Variants in NLRP7 observed in about 807,000 individuals in gnomAD.
The protein encoded by NLRP7 is NACHT, LRR and PYD domains-containing protein 7.
In NLRP7, 72 loss-of-function variants were observed where a neutral mutation model predicts 85.5. The ratio of observed to expected loss-of-function variants is 0.84; its 90% confidence interval spans 0.70 to 1.02. NLRP7 has a LOEUF of 1.02. NLRP7 is among the 50% of genes least tolerant of loss of function. The pLI is 0.00. For synonymous variants in NLRP7, 550 were observed against 505.2 expected (o/e 1.09, Z -1.19); for missense variants, 1,243 against 1,219.5 (o/e 1.02, Z -0.29).
chr19:54,924,753 T>G (rs1049963581), intron 9 of NLRP7, among the ~76,000 whole-genome samples: 1 of 151,980 alleles, frequency 6.6e-6, no homozygotes, highest in Non-Finnish European at 1.5e-5. Context: ...CTGGCCAACA[T>G]AGTGAAACCC....
chr19:54,949,989 C>A (rs910538037), upstream of NLRP7, among the ~76,000 whole-genome samples: 6 of 151,964 alleles, frequency 3.9e-5, no homozygotes, highest in Admixed American at 2.6e-4. Flanking sequence ...GTAGACCCAG[C>A]TACTCAGGAG....
exon 4 of NLRP7, chr19:54,938,996 G>T: frequency 6.2e-7 from 1 of 1,614,154 alleles, no homozygotes; most frequent in Non-Finnish European, 8.5e-7. Flanking sequence ...CAGGCTGAAG[G>T]AACAATGCAT....
chr19:54,926,542 G>A (rs2068446715), intron 9 of NLRP7, among the ~76,000 whole-genome samples: 1 of 152,106 alleles, frequency 6.6e-6, no homozygotes, highest in Non-Finnish European at 1.5e-5. Context: ...CACTTTGAGA[G>A]GCTGAGGCAG....
rs59058059 is a variant in NLRP7 at position 54,937,900 on chromosome 19, C to CAAAAA, written c.2129+139_2129+143dup. The CAAAAA allele has an allele frequency of 8.8e-4, 455 of 515,832 alleles. 1 individual carries two copies. Among genetic ancestry groups the CAAAAA allele is most frequent in the East Asian group, 1.2e-3 (39 of 32,296 alleles). The allele number at this position is 515,832 out of a possible 1,614,324, so 32.0% of individuals were successfully genotyped here. ...CAACAAGAGTAAATCTCCGTCTCAC[C>CAAAAA]AAAAAAAAAAAAAAAAAAAAAGACA... On this transcript the variant is annotated intron_variant, in intron 5 of 9. Coordinates refer to ENST00000340844, the Ensembl canonical transcript of NLRP7.
At chr19:54,928,534 C>T (rs1460824276) in intron 9 of NLRP7, among the ~76,000 whole-genome samples, 1 of 152,100 alleles carries the variant, frequency 6.6e-6, no homozygotes, top group Non-Finnish European at 1.5e-5. Context: ...CTATTGAAGA[C>T]AATGGATGAT....
At chr19:54,953,522 C>A (rs1001575677) in intron 1 of NLRP7, among the ~76,000 whole-genome samples, 2 of 151,332 alleles carry the variant, frequency 1.3e-5, no homozygotes, top group African/African-American at 4.9e-5. Flanking sequence ...GGTGTGGCGC[C>A]GGGCTGTCTG....
At chr19:54,938,942 T>C (rs1165664097) in exon 4 of NLRP7, 8 of 1,614,044 alleles carry the variant, frequency 5.0e-6, no homozygotes, top group Non-Finnish European at 6.8e-6. Context: ...GAACACCCCC[T>C]TTGCTACCTG....
At chr19:54,939,661 G>A in exon 4 of NLRP7, 1 of 1,612,610 alleles carries the variant, frequency 6.2e-7, no homozygotes, top group South Asian at 1.1e-5. Context: ...GGGTGAGGCA[G>A]GTGGGGACCG....
At chr19:54,938,367 T>A in intron 4 of NLRP7, 126 bp from the exon 5 acceptor site, 1 of 752,500 alleles carries the variant, frequency 1.3e-6, no homozygotes, top group South Asian at 1.4e-5. Flanking sequence ...GTGTCTATAG[T>A]AAACAATATT....
Position 54,941,524 on chromosome 19 carries a change from G to C in NLRP7, c.188C>G (p.Ser63Ter), listed in dbSNP as rs1182576495. The change falls in exon 2 of 10, where the codon TCA becomes TGA. Residue 63 changes from serine (S) to a stop codon, truncating the protein, a stop_gained. Coordinates refer to ENST00000340844, the Ensembl canonical transcript of NLRP7. LOFTEE classifies it high-confidence loss of function. ...AGTCGCATTCCTTATCCAATTTTCT[G>C]AGGAGGTGTTGACCAGAATTTCTGC... The C allele has an allele frequency of 6.2e-7, 1 of 1,613,790 alleles. No individual in the cohort carries two copies. Among genetic ancestry groups the C allele is most frequent in the Non-Finnish European group, 8.5e-7 (1 of 1,179,904 alleles).
At chr19:54,930,115 CAAAAAAAAAAAAAAA>C (rs34446838) in intron 9 of NLRP7, among the ~76,000 whole-genome samples, 3 of 100,564 alleles carry the variant, frequency 3.0e-5, no homozygotes, top group Non-Finnish European at 4.0e-5. Flanking sequence ...GGCTCCGTCT[CAAAAAAAAAAAAAAA>C]AAAAGAAAAC....
chr19:54,941,434 C>G lies in NLRP7; in HGVS notation c.277+1G>C. 6.7e-7 allele frequency: 1 copy of G among 1,498,068 alleles called. No individual in the cohort carries two copies. Among genetic ancestry groups the G allele is most frequent in the Non-Finnish European group, 9.3e-7 (1 of 1,075,286 alleles). 92.8% of individuals were successfully genotyped at this position (1,498,068 alleles called of 1,614,324 possible). ...ACCAGGACACCCCAGGTTCTACTTA[C>G]CCATCATCTCAGCCTTTGCCATCTT... is the stretch of plus-strand genomic sequence containing the variant. On this transcript the variant is annotated splice_donor_variant, in intron 2 of 9. Transcript: ENST00000340844. LOFTEE classifies it high-confidence loss of function.
intron 9 of NLRP7, among the ~76,000 whole-genome samples, chr19:54,928,469 C>T (rs947134280): frequency 6.6e-6 from 1 of 152,022 alleles, no homozygotes; most frequent in East Asian, 1.9e-4. Flanking sequence ...GGGGAGTGAG[C>T]AGAAGAAATC....
intron 9 of NLRP7, among the ~76,000 whole-genome samples, chr19:54,924,077 C>G (rs374893752): frequency 1.2e-4 from 19 of 152,284 alleles, no homozygotes; most frequent in East Asian, 5.8e-4. Flanking sequence ...AAGCAATTCT[C>G]ATGCCTCAGG....
intron 6 of NLRP7, among the ~76,000 whole-genome samples, chr19:54,935,927 T>G (rs1489624329): frequency 6.6e-6 from 1 of 152,094 alleles, no homozygotes; most frequent in African/African-American, 2.4e-5. Context: ...AAAAACTGTC[T>G]TGTGCAAAAC....
chr19:54,935,462 G>A (rs185822764), intron 6 of NLRP7, among the ~76,000 whole-genome samples: 44 of 152,188 alleles, frequency 2.9e-4, no homozygotes, highest in Middle Eastern at 3.4e-3. Context: ...TTGGGAGGCC[G>A]AGACAGGCGG....
intron 1 of NLRP7, 38 bp from the exon 2 acceptor site, chr19:54,941,788 A>G (rs766274559): frequency 2.2e-5 from 33 of 1,472,248 alleles, no homozygotes; most frequent in Non-Finnish European, 2.9e-5. Context: ...ACGAGTTACC[A>G]TCATTAAATG....
chr19:54,941,606 C>A, exon 2 of NLRP7: 1 of 1,614,008 alleles, frequency 6.2e-7, no homozygotes, highest in Non-Finnish European at 8.5e-7. Context: ...TGTAGCACGT[C>A]TTCGAGGGGA....
rs1654634 is a variant in NLRP7 at position 54,939,531 on chromosome 19, A to G, written c.1288T>C (p.Phe430Leu). Reference sequence around the variant, plus strand: ...AGCCTTTCCAGGTCCTCTCGGTGGAACACGGACATCTGCGCCCACAGGCCC... The same window carrying G: ...AGCCTTTCCAGGTCCTCTCGGTGGAGCACGGACATCTGCGCCCACAGGCCC... The change falls in exon 4 of 10, where the codon TTC becomes CTC. Residue 430 changes from phenylalanine (F) to leucine (L), a missense_variant. Phe to Leu is a conservative substitution (Grantham distance 22, BLOSUM62 0). Around this residue, in one of 3 missense-constraint regions of NLRP7, gnomAD observed 591 missense variants for 563.3 expected, o/e 1.05. Coordinates refer to ENST00000340844, the Ensembl canonical transcript of NLRP7. 60 of 1,612,634 alleles carry G rather than the reference A, an allele frequency of 3.7e-5. No homozygotes were observed. In the Middle Eastern group the frequency reaches 5.0e-4, roughly 13 times the overall value.
Sources: gnomAD v4.1 joint callset for allele counts (sites outside exome capture counted in the v4.1 genomes callset) on GRCh38, gnomAD v4.1.1 for gene constraint, gnomAD v4.1.1 regional missense constraint, MANE v1.5 for transcripts, NCBI Gene and HGNC (gene_info 2026-07-23, HGNC 2026-07-21) for gene names.